Variants in MAN2A1 observed in about 807,000 individuals in gnomAD.
The protein encoded by MAN2A1 is mannosidase alpha class 2A member 1.
Under a neutral mutation model 142.6 loss-of-function variants are expected in MAN2A1, and 76 were observed. That is an observed-to-expected ratio of 0.53 (90% CI 0.44 to 0.65). The LOEUF (loss-of-function observed/expected upper bound fraction) is 0.65. MAN2A1 is among the 30% of genes least tolerant of loss of function. The probability of loss-of-function intolerance (pLI) is 0.00; values close to 1 mark genes in which losing one functional copy is unlikely to be tolerated. For synonymous variants in MAN2A1, 559 were observed against 473.2 expected, an observed-to-expected ratio of 1.18 and a Z score of -2.35; for missense variants, 1,311 against 1,365.1, an observed-to-expected ratio of 0.96 and a Z score of 0.62.
At chr5:109,745,403 G>A (rs1248412242) in intron 4 of MAN2A1, among the ~76,000 whole-genome samples, 1 of 151,952 alleles carries the variant, frequency 6.6e-6, no homozygotes, top group African/African-American at 2.4e-5. Context: ...TAAAAACTCT[G>A]GCTCCCATAA....
intron 4 of MAN2A1, among the ~76,000 whole-genome samples, chr5:109,746,065 C>G (rs1480022591): frequency 2.0e-5 from 3 of 152,224 alleles, no homozygotes; most frequent in Non-Finnish European, 4.4e-5. Context: ...ACCTCTGCCT[C>G]CCAGGTTCAA....
chr5:109,752,777 G>T (rs1256823003), intron 4 of MAN2A1, among the ~76,000 whole-genome samples: 1 of 152,170 alleles, frequency 6.6e-6, no homozygotes, highest in East Asian at 1.9e-4. Flanking sequence ...TTAATAGACA[G>T]AATAGTCTTT....
rs550185618 is a variant in MAN2A1, at chr5:109,740,664, A to G, written c.707+11151A>G. 2.0e-5 allele frequency among the ~76,000 whole-genome samples: 3 copies of G among 152,322 alleles called. No individual in the cohort carries two copies. The South Asian group carries it at 6.2e-4, about 32-fold the overall frequency. On this transcript the variant is annotated intron_variant, in intron 4 of 21. Coordinates refer to ENST00000261483, the MANE Select transcript of MAN2A1 (RefSeq NM_002372.4). ...GAGTCTGTGATTAGTATCTGTCCCA[A>G]GACTCAGCTTTGCCTCAGCCCTTGG...
chr5:109,842,301 A>G (rs774148006), intron 16 of MAN2A1, 27 bp from the exon 17 acceptor site: 4 of 1,418,210 alleles, frequency 2.8e-6, no homozygotes, highest in Non-Finnish European at 2.9e-6. Context: ...TCTTTCTATT[A>G]ATCCATATAT....
chr5:109,724,482 T>C (rs1369349376), intron 3 of MAN2A1, among the ~76,000 whole-genome samples: 1 of 152,192 alleles, frequency 6.6e-6, no homozygotes, highest in Admixed American at 6.5e-5. Context: ...TAATGAACTT[T>C]ATTTTAAAAT....
chr5:109,858,761 A>T (rs1193458351), intron 20 of MAN2A1, among the ~76,000 whole-genome samples: 2 of 152,244 alleles, frequency 1.3e-5, no homozygotes, highest in Non-Finnish European at 2.9e-5. Context: ...CAGCACCATG[A>T]TAGAGAGTGC....
intron 16 of MAN2A1, among the ~76,000 whole-genome samples, chr5:109,826,129 C>T (rs968479015): frequency 5.3e-5 from 8 of 151,900 alleles, no homozygotes; most frequent in African/African-American, 1.9e-4. Flanking sequence ...TGGTCTCGAA[C>T]TCTTGACCTC....
At chr5:109,847,126 C>T (rs1297217996) in intron 18 of MAN2A1, among the ~76,000 whole-genome samples, 2 of 152,030 alleles carry the variant, frequency 1.3e-5, no homozygotes, top group South Asian at 2.1e-4. Context: ...ATCTTTGTGC[C>T]GTACATGACT....
At chr5:109,808,170 T>A (rs1293042178) in intron 12 of MAN2A1, among the ~76,000 whole-genome samples, 1 of 152,214 alleles carries the variant, frequency 6.6e-6, no homozygotes, top group Non-Finnish European at 1.5e-5. Context: ...AATAACATTA[T>A]TTCCCGTATA....
intron 19 of MAN2A1, among the ~76,000 whole-genome samples, chr5:109,851,160 A>T (rs1456208446): frequency 6.6e-6 from 1 of 152,238 alleles, no homozygotes; most frequent in Middle Eastern, 3.2e-3. Context: ...GTCCTCAGAG[A>T]ATTCTGCAGA....
At chr5:109,763,027 G>A (rs1444513472) in intron 5 of MAN2A1, among the ~76,000 whole-genome samples, 1 of 152,222 alleles carries the variant, frequency 6.6e-6, no homozygotes, top group Non-Finnish European at 1.5e-5. Flanking sequence ...CCCTTACAGG[G>A]TTACAACAGA....
Position 109,729,375 on chromosome 5 carries a change from A to G in MAN2A1, c.569A>G (p.Asp190Gly). The G allele has an allele frequency of 1.2e-6, 2 of 1,605,574 alleles. No individual in the cohort carries two copies. Among genetic ancestry groups the G allele is most frequent in the East Asian group, 2.2e-5 (1 of 44,522 alleles). Reference protein sequence around the residue: ...WLKTFNDYFRDKTQYIFNNMV... With the variant: ...WLKTFNDYFRGKTQYIFNNMV... ...AAGACTTTCAATGACTACTTTAGAG[A>G]CAAGACTCAGTATATTTTTAATAAC... Residue 190 changes from aspartate (D) to glycine (G), a missense_variant, in exon 4 of 22, where the codon GAC becomes GGC. Physicochemically the swap from Asp to Gly is moderately conservative, Grantham distance 94 (BLOSUM62 -1). Coordinates refer to ENST00000261483, the MANE Select transcript of MAN2A1 (RefSeq NM_002372.4).
chr5:109,785,401 C>T (rs1753571398), intron 10 of MAN2A1, among the ~76,000 whole-genome samples: 2 of 150,716 alleles, frequency 1.3e-5, no homozygotes, highest in Admixed American at 1.3e-4. Flanking sequence ...AGAAGCATAG[C>T]CAGGAAGGAA....
intron 12 of MAN2A1, among the ~76,000 whole-genome samples, chr5:109,803,536 A>C (rs1310642280): frequency 1.3e-5 from 2 of 152,062 alleles, no homozygotes; most frequent in Non-Finnish European, 2.9e-5. Flanking sequence ...GAAAATGCAA[A>C]TGATGGGGAG....
At chr5:109,845,781 G>T in intron 17 of MAN2A1, 84 bp from the exon 18 acceptor site, 7 of 1,013,290 alleles carry the variant, frequency 6.9e-6, no homozygotes, top group South Asian at 2.1e-5. Context: ...TTTTCTCTTG[G>T]GAAGAAAAAT....
At chr5:109,846,106 C>T in intron 18 of MAN2A1, 100 bp downstream of exon 18, 1 of 1,051,996 alleles carries the variant, frequency 9.5e-7, no homozygotes, top group Non-Finnish European at 1.3e-6. Flanking sequence ...GTTAAAACCT[C>T]CCTGTCTTCT....
chr5:109,729,844 A>C (rs1019318629), intron 4 of MAN2A1, among the ~76,000 whole-genome samples: 36 of 152,058 alleles, frequency 2.4e-4, no homozygotes, highest in African/African-American at 8.5e-4. Context: ...AATACAAAAA[A>C]ATTAGCCAGG....
Position 109,774,972 on chromosome 5 carries a change from A to G in MAN2A1, c.1374+7A>G, listed in dbSNP as rs777828031. ...GTCCAAGTTTAAAGTTAAGGTAAGGAGAAAATATTTATGATTCCGTATTTG... is the reference window on the plus strand; with the variant it reads ...GTCCAAGTTTAAAGTTAAGGTAAGGGGAAAATATTTATGATTCCGTATTTG... On this transcript the variant is annotated splice_region_variant and intron_variant, in intron 8 of 21. Coordinates refer to ENST00000261483, the MANE Select transcript of MAN2A1 (RefSeq NM_002372.4). The G allele has an allele frequency of 1.9e-5, 30 of 1,562,658 alleles. No homozygotes were observed. The highest frequency in any genetic ancestry group is 2.4e-5 in the Non-Finnish European group (28 of 1,144,982).
At chr5:109,817,236 T>C in intron 12 of MAN2A1, 37 bp from the exon 13 acceptor site, 1 of 1,590,440 alleles carries the variant, frequency 6.3e-7, no homozygotes, top group Non-Finnish European at 8.6e-7. Flanking sequence ...AGTAAAAATA[T>C]TTTGAGATCC....
Sources: allele counts gnomAD v4.1 joint callset (sites outside exome capture counted in the v4.1 genomes callset), GRCh38; gene constraint gnomAD v4.1.1; transcripts MANE v1.5; gene names NCBI Gene and HGNC (gene_info 2026-07-23, HGNC 2026-07-21).